SUPT20H: variants seen among roughly 807,000 people sequenced by gnomAD.
The protein encoded by SUPT20H is transcription factor SPT20 homolog.
SUPT20H carries 82 observed loss-of-function variants against 122.8 expected under a neutral mutation model. The observed-to-expected ratio is 0.67, with a 90% confidence interval of 0.56 to 0.80. SUPT20H has a LOEUF of 0.80. Among genes scored for constraint, SUPT20H ranks in the 30% least tolerant of loss-of-function variants. SUPT20H has a pLI of 0.00. For synonymous variants in SUPT20H, 291 were observed against 313.0 expected (o/e 0.93, Z 0.74); for missense variants, 831 against 921.6 (o/e 0.90, Z 1.27).
intron 7 of SUPT20H, among the ~76,000 whole-genome samples, chr13:37,041,450 G>A (rs2065450313): frequency 6.6e-6 from 1 of 151,946 alleles, no homozygotes; most frequent in African/African-American, 2.4e-5. Context: ...CCCAGGCGGT[G>A]GGGCTTGCAG....
At chr13:37,026,147 G>A (rs9576155) in intron 16 of SUPT20H, 57 bp downstream of exon 16, 506,375 of 1,439,200 alleles carry the variant, frequency 0.35, 96,462 homozygotes, top group East Asian at 0.73. Context: ...TATCCTATAA[G>A]GGTGAAAAAT....
At chr13:37,009,863 A>G in intron 25 of SUPT20H, 54 bp from the exon 26 acceptor site, 1 of 1,567,868 alleles carries the variant, frequency 6.4e-7, no homozygotes, top group Non-Finnish European at 8.6e-7. Flanking sequence ...CAGGTGTAGA[A>G]AGGTGCTTTT....
intron 7 of SUPT20H, among the ~76,000 whole-genome samples, chr13:37,040,893 CAAG>C (rs2138630790): frequency 6.6e-6 from 1 of 152,284 alleles, no homozygotes; most frequent in East Asian, 1.9e-4. Flanking sequence ...CACTATGACA[CAAG>C]AAGCAATTTA....
intron 17 of SUPT20H, 131 bp downstream of exon 17, chr13:37,025,189 A>G: frequency 1.3e-6 from 1 of 767,746 alleles, no homozygotes; most frequent in Non-Finnish European, 2.3e-6. Context: ...TGATCCACCC[A>G]CCTTGGCCTC....
intron 3 of SUPT20H, 35 bp downstream of exon 3, chr13:37,048,529 A>G: frequency 1.3e-6 from 2 of 1,549,576 alleles, no homozygotes; most frequent in Non-Finnish European, 1.7e-6. Flanking sequence ...ATTAAAGACA[A>G]CACTATTTCA....
intron 2 of SUPT20H, among the ~76,000 whole-genome samples, chr13:37,048,954 ACC>A (rs386770012): frequency 6.6e-6 from 1 of 151,808 alleles, no homozygotes; most frequent in Non-Finnish European, 1.5e-5. Context: ...ATCAAAATGA[ACC>A]AAAGGCTAAA....
chr13:37,020,203 T>G lies in SUPT20H; in HGVS notation c.1817-806A>C, dbSNP rs778437202. Reference sequence around the variant, plus strand: ...AAAATGTATCTAGTTCTCTATCATATCATTTTTTTTTTTTAAAGATTTAAG... The same window carrying G: ...AAAATGTATCTAGTTCTCTATCATAGCATTTTTTTTTTTTAAAGATTTAAG... On this transcript the variant is annotated intron_variant, in intron 21 of 25. Coordinates refer to ENST00000350612, the MANE Select transcript of SUPT20H (RefSeq NM_001014286.3). 2.0e-5 allele frequency among the ~76,000 whole-genome samples: 3 copies of G among 151,980 alleles called. No homozygotes were observed. In the East Asian group the frequency reaches 5.8e-4, roughly 29 times the overall value.
chr13:37,050,792 T>C (rs1028515454), intron 2 of SUPT20H, among the ~76,000 whole-genome samples: 13 of 152,152 alleles, frequency 8.5e-5, no homozygotes, highest in African/African-American at 3.1e-4. Context: ...TACTTTTCTC[T>C]AATAGGGGAG....
At chr13:37,031,285 C>T (rs2138047555) in intron 12 of SUPT20H, among the ~76,000 whole-genome samples, 1 of 151,984 alleles carries the variant, frequency 6.6e-6, no homozygotes, top group Middle Eastern at 3.4e-3. Flanking sequence ...CTGTATTTTT[C>T]CAATTTTAAA....
At chr13:37,040,803 C>A in intron 7 of SUPT20H, 111 bp from the exon 8 acceptor site, 1 of 743,734 alleles carries the variant, frequency 1.3e-6, no homozygotes, top group Non-Finnish European at 2.3e-6. Context: ...TCTGGCCACT[C>A]ATGTATGTAC....
chr13:37,043,160 G>A (rs1156478710), intron 7 of SUPT20H, among the ~76,000 whole-genome samples: 3 of 152,186 alleles, frequency 2.0e-5, no homozygotes, highest in African/African-American at 7.2e-5. Context: ...GAGAAGGAAG[G>A]GGAGGATCCA....
intron 9 of SUPT20H, among the ~76,000 whole-genome samples, chr13:37,037,231 C>A (rs1313965580): frequency 6.6e-6 from 1 of 151,204 alleles, no homozygotes; most frequent in South Asian, 2.1e-4. Flanking sequence ...GGCTTCCCAG[C>A]CAACAGTAGG....
intron 25 of SUPT20H, 135 bp from the exon 26 acceptor site, chr13:37,009,944 T>C (rs922126217): frequency 9.7e-6 from 12 of 1,241,878 alleles, no homozygotes; most frequent in Non-Finnish European, 1.3e-5. Flanking sequence ...CTATACCACA[T>C]TGAGACAATG....
At chr13:37,052,176 T>C (rs891048760) in intron 1 of SUPT20H, among the ~76,000 whole-genome samples, 2 of 152,056 alleles carry the variant, frequency 1.3e-5, no homozygotes, top group African/African-American at 4.8e-5. Context: ...AACTAGGAAA[T>C]ACTACTTTAA....
intron 1 of SUPT20H, among the ~76,000 whole-genome samples, chr13:37,056,584 G>A (rs2069096013): frequency 6.6e-6 from 1 of 151,970 alleles, no homozygotes; most frequent in Admixed American, 6.6e-5. Flanking sequence ...ATGGACACAG[G>A]AAGGGGAACT....
intron 24 of SUPT20H, 93 bp from the exon 25 acceptor site, chr13:37,010,748 A>G (rs2059458080): frequency 2.4e-6 from 2 of 846,370 alleles, no homozygotes; most frequent in East Asian, 5.1e-5. Flanking sequence ...AATAATAGAA[A>G]AGTTAGCAGT....
intron 9 of SUPT20H, among the ~76,000 whole-genome samples, chr13:37,036,894 A>G (rs1395484841): frequency 6.6e-6 from 1 of 152,128 alleles, no homozygotes; most frequent in Non-Finnish European, 1.5e-5. Context: ...TACACATAAC[A>G]TACAAAATAC....
chr13:37,013,455 G>A (rs1362395583), intron 23 of SUPT20H: 2 of 151,132 alleles, frequency 1.3e-5, no homozygotes, highest in African/African-American at 2.4e-5. Flanking sequence ...AACAAAACAC[G>A]GACCTAAGTT....
chr13:37,010,648 A>C lies in SUPT20H; in HGVS notation c.2106T>G (p.Ser702=), dbSNP rs1301267499. The change falls in exon 25 of 26, where the codon TCT becomes TCG. Residue 702 remains serine, a synonymous_variant. Coordinates refer to ENST00000350612, the MANE Select transcript of SUPT20H (RefSeq NM_001014286.3). Reference sequence around the variant, plus strand: ...GTCTGTTCTCGGCAGAGCCAAGCTGAGACAACACTACAGAGAGGAGAAGGG... The same window carrying C: ...GTCTGTTCTCGGCAGAGCCAAGCTGCGACAACACTACAGAGAGGAGAAGGG... ...SFMQSQAAVL[S]QLGSAENRPE... 1 of 1,613,484 alleles carries C rather than the reference A, an allele frequency of 6.2e-7. No homozygotes were observed. The highest frequency in any genetic ancestry group is 8.5e-7 in the Non-Finnish European group (1 of 1,179,734).
Sources: allele counts gnomAD v4.1 joint callset (sites outside exome capture counted in the v4.1 genomes callset), GRCh38; gene constraint gnomAD v4.1.1; transcripts MANE v1.5; gene names NCBI Gene and HGNC (gene_info 2026-07-23, HGNC 2026-07-21).